GPHN: variants seen among roughly 807,000 people sequenced by gnomAD.
GPHN encodes gephyrin.
A neutral mutation model predicts 95.5 loss-of-function variants in GPHN; 17 were observed. The ratio of observed to expected loss-of-function variants is 0.18; its 90% CI spans 0.12 to 0.27. GPHN has a LOEUF of 0.27. Ranked by LOEUF, GPHN falls within the 10% of genes least tolerant of loss-of-function variation. GPHN has a pLI of 1.00. For missense variants in GPHN, 660 were observed against 978.1 expected, an observed-to-expected ratio of 0.67 and a Z score of 4.34; for synonymous variants, 320 against 322.5, an observed-to-expected ratio of 0.99 and a Z score of 0.08.
chr14:66,972,939 A>T (rs1034518127), intron 9 of GPHN, among the ~76,000 whole-genome samples: 1 of 152,142 alleles, frequency 6.6e-6, no homozygotes, highest in African/African-American at 2.4e-5. Flanking sequence ...ATCAGTGCAA[A>T]TGTCAACGTA....
chr14:67,142,677 C>G (rs542534369), intron 17 of GPHN, among the ~76,000 whole-genome samples: 5 of 152,184 alleles, frequency 3.3e-5, no homozygotes, highest in African/African-American at 4.8e-5. Flanking sequence ...GATCCTCCCC[C>G]CTCCATTTCC....
chr14:66,787,888 GA>G (rs909056843), intron 3 of GPHN, among the ~76,000 whole-genome samples: 19 of 142,408 alleles, frequency 1.3e-4, no homozygotes, highest in South Asian at 2.2e-4. Flanking sequence ...ACTGTCAGAA[GA>G]AAAAAAAAAG....
At chr14:66,666,831 A>G (rs551634409) in intron 1 of GPHN, among the ~76,000 whole-genome samples, 1 of 152,360 alleles carries the variant, frequency 6.6e-6, no homozygotes, top group African/African-American at 2.4e-5. Context: ...AAATAAGAAG[A>G]GAGGAAGTCA....
intron 4 of GPHN, among the ~76,000 whole-genome samples, chr14:66,828,398 T>C (rs976446616): frequency 6.6e-6 from 1 of 152,070 alleles, no homozygotes; most frequent in Non-Finnish European, 1.5e-5. Context: ...TATATACTGA[T>C]TTGTCTGTTT....
intron 11 of GPHN, among the ~76,000 whole-genome samples, chr14:67,073,540 T>G (rs556094773): frequency 6.6e-6 from 1 of 152,304 alleles, no homozygotes; most frequent in East Asian, 1.9e-4. Context: ...TTTAAAAGTT[T>G]AATGTTTTAT....
the GPHN span, chr14:67,303,515 A>G: frequency 5.0e-6 from 8 of 1,606,270 alleles, no homozygotes; most frequent in Non-Finnish European, 6.0e-6. Flanking sequence ...TGATCTTTCT[A>G]TTACAGTCTG....
the GPHN span, among the ~76,000 whole-genome samples, chr14:67,500,491 A>G: frequency 3.3e-5 from 5 of 152,230 alleles, no homozygotes; most frequent in African/African-American, 1.2e-4. Flanking sequence ...AAACAAAACA[A>G]AAACAAAAAC....
chr14:66,764,148 G>A (rs1050320891), intron 2 of GPHN, among the ~76,000 whole-genome samples: 2 of 152,072 alleles, frequency 1.3e-5, no homozygotes, highest in Non-Finnish European at 2.9e-5. Flanking sequence ...ACAAAACCAT[G>A]CCCCCAACCC....
chr14:66,692,986 A>G (rs1379467096), intron 2 of GPHN, among the ~76,000 whole-genome samples: 1 of 152,062 alleles, frequency 6.6e-6, no homozygotes, highest in Admixed American at 6.5e-5. Context: ...TGTGGGTAAC[A>G]TCTATTGATA....
chr14:67,022,483 A>G (rs1233659603), intron 9 of GPHN, among the ~76,000 whole-genome samples: 1 of 150,182 alleles, frequency 6.7e-6, no homozygotes, highest in East Asian at 2.0e-4. Flanking sequence ...TAGTATGTTT[A>G]AAACTAGTTG....
intron 4 of GPHN, among the ~76,000 whole-genome samples, chr14:66,841,018 TATA>T (rs1292095586): frequency 3.5e-4 from 51 of 144,384 alleles, no homozygotes; most frequent in African/African-American, 1.3e-3. Flanking sequence ...TAGATATAGA[TATA>T]GATATAGATA....
chr14:67,165,267 A>C, intron 20 of GPHN, 41 bp downstream of exon 20: 1 of 1,440,362 alleles, frequency 6.9e-7, no homozygotes, highest in Non-Finnish European at 9.8e-7. Context: ...TTCTGGAAAA[A>C]TAGCCAAAAT....
chr14:66,898,883 T>C (rs1386044952), intron 5 of GPHN, among the ~76,000 whole-genome samples: 2 of 151,972 alleles, frequency 1.3e-5, no homozygotes, highest in Non-Finnish European at 2.9e-5. Context: ...CTTTAGATTG[T>C]CTTTGATTTC....
At chr14:66,975,335 T>C (rs1388876066) in intron 9 of GPHN, among the ~76,000 whole-genome samples, 1 of 152,238 alleles carries the variant, frequency 6.6e-6, no homozygotes, top group African/African-American at 2.4e-5. Context: ...ATTGAAAGTA[T>C]ATGCAGAACT....
intron 1 of GPHN, among the ~76,000 whole-genome samples, chr14:66,678,860 T>C (rs1375770109): frequency 6.6e-6 from 1 of 152,202 alleles, no homozygotes; most frequent in Non-Finnish European, 1.5e-5. Context: ...GTGTCTGCAG[T>C]TTCCCTAGGG....
chr14:66,946,982 G>A (rs2067795078), intron 8 of GPHN, among the ~76,000 whole-genome samples: 3 of 152,198 alleles, frequency 2.0e-5, no homozygotes, highest in African/African-American at 4.8e-5. Flanking sequence ...CATAGCCAGA[G>A]TCGACTTTTT....
At chr14:67,408,628 C>T in the GPHN span, among the ~76,000 whole-genome samples, 4 of 152,202 alleles carry the variant, frequency 2.6e-5, no homozygotes, top group African/African-American at 9.6e-5. Context: ...ACAGTGGTTG[C>T]ACTGAAGTAT....
downstream of GPHN, among the ~76,000 whole-genome samples, chr14:67,186,440 G>A (rs2083368884): frequency 1.3e-5 from 2 of 152,060 alleles, no homozygotes; most frequent in South Asian, 4.1e-4. Context: ...AGGTGTTGGA[G>A]GCCTAGAAAA....
At chr14:67,387,609 G>A in the GPHN span, among the ~76,000 whole-genome samples, 5 of 152,176 alleles carry the variant, frequency 3.3e-5, no homozygotes, top group African/African-American at 1.2e-4. Flanking sequence ...CCTATCAGAT[G>A]AGGTCCCCTT....
Sources: gnomAD v4.1 joint callset for allele counts (sites outside exome capture counted in the v4.1 genomes callset) on GRCh38, gnomAD v4.1.1 for gene constraint, MANE v1.5 for transcripts, NCBI Gene and HGNC (gene_info 2026-07-23, HGNC 2026-07-21) for gene names.